The following MACROH2A2 variants were observed in gnomAD, a reference collection of about 807,000 sequenced individuals.
The protein encoded by MACROH2A2 is macroH2A.2 histone, also known as core histone macro-H2A.2.
MACROH2A2 carries 6 observed loss-of-function variants against 37.6 expected under a neutral mutation model. That is an observed-to-expected ratio of 0.16 (90% CI 0.09 to 0.32). MACROH2A2 has a LOEUF of 0.32. Ranked by LOEUF, MACROH2A2 falls within the 10% of genes least tolerant of loss-of-function variation. The pLI, the probability that MACROH2A2 is intolerant of heterozygous loss-of-function variation, is 1.00. For missense variants in MACROH2A2, 290 were observed against 485.9 expected (o/e 0.60, Z 3.79); for synonymous variants, 192 against 202.7 (o/e 0.95, Z 0.45).
intron 2 of MACROH2A2, among the ~76,000 whole-genome samples, chr10:70,078,721 C>T (rs2072155474): frequency 6.6e-6 from 1 of 152,142 alleles, no homozygotes; most frequent in African/African-American, 2.4e-5. Context: ...TGACTAATTC[C>T]ATTAAGGTGT....
At chr10:70,076,408 T>C (rs1265757751) in intron 2 of MACROH2A2, among the ~76,000 whole-genome samples, 2 of 150,978 alleles carry the variant, frequency 1.3e-5, no homozygotes, top group African/African-American at 4.8e-5. Context: ...TAGTTTCCCA[T>C]ATTTGTTGTT....
At chr10:70,104,277 T>G (rs1008707472) in intron 7 of MACROH2A2, among the ~76,000 whole-genome samples, 1 of 151,628 alleles carries the variant, frequency 6.6e-6, no homozygotes. Flanking sequence ...CTGGGGCACA[T>G]TAGTATAACA....
In MACROH2A2 at chr10:70,066,163, AC is replaced by A. The variant is rs1209818515; in HGVS notation, c.-59-9433del. ...AGACCAGCCTGGGCAACATAGTGAG[AC>A]CCCATCTCTACAAAAAAATCAGCTG... is the stretch of plus-strand genomic sequence containing the variant. On this transcript the variant is annotated intron_variant, in intron 1 of 8. Transcript: ENST00000373255. 2.6e-5 allele frequency among the ~76,000 whole-genome samples: 4 copies of A among 151,804 alleles called. No homozygotes were observed. The East Asian group carries it at 7.7e-4, about 29-fold the overall frequency.
At chr10:70,062,895 G>A (rs2072058007) in intron 1 of MACROH2A2, among the ~76,000 whole-genome samples, 1 of 152,160 alleles carries the variant, frequency 6.6e-6, no homozygotes. Flanking sequence ...TGGGAAGAGG[G>A]TGAGGGATAA....
intron 1 of MACROH2A2, among the ~76,000 whole-genome samples, chr10:70,059,663 G>T (rs750668114): frequency 1.3e-5 from 2 of 152,056 alleles, no homozygotes; most frequent in Non-Finnish European, 2.9e-5. Flanking sequence ...GAGCCACCGC[G>T]CCTGGCCTCC....
At chr10:70,095,157 G>A (rs562090273) in intron 5 of MACROH2A2, among the ~76,000 whole-genome samples, 7 of 152,124 alleles carry the variant, frequency 4.6e-5, no homozygotes, top group South Asian at 2.1e-4. Context: ...TCAAGAGGTC[G>A]GGAGATCAAG....
rs143709006 is a variant in MACROH2A2, at chr10:70,091,852, A to T, written c.375A>T (p.Glu125Asp). Residue 125 changes from glutamate to aspartate, a missense_variant, in exon 4 of 9, where the codon GAA (glutamate) becomes GAT (aspartate). Around this residue, in one of 3 missense-constraint regions of MACROH2A2, gnomAD observed 77 missense variants for 68.9 expected, o/e 1.12. Coordinates refer to ENST00000373255, the MANE Select transcript of MACROH2A2 (RefSeq NM_018649.3). ...AKKRGTKGKS[E>D]TILSPPPEKR... ...AGCGAGGGACCAAAGGCAAGTCGGAAACGATCCTCTCCCCACCCCCAGAGA... is the reference window on the plus strand; with the variant it reads ...AGCGAGGGACCAAAGGCAAGTCGGATACGATCCTCTCCCCACCCCCAGAGA... 12 of 1,614,044 alleles carry T rather than the reference A, an allele frequency of 7.4e-6. No individual in the cohort carries two copies. The highest frequency in any genetic ancestry group is 1.0e-5 in the Non-Finnish European group (12 of 1,179,986).
chr10:70,078,782 A>G (rs1311755353), intron 2 of MACROH2A2, among the ~76,000 whole-genome samples: 1 of 152,224 alleles, frequency 6.6e-6, no homozygotes, highest in East Asian at 1.9e-4. Flanking sequence ...GTTTTAATCC[A>G]AGGGAATGAA....
chr10:70,104,949 C>G (rs2072327820), intron 7 of MACROH2A2, among the ~76,000 whole-genome samples: 1 of 152,188 alleles, frequency 6.6e-6, no homozygotes, highest in Non-Finnish European at 1.5e-5. Flanking sequence ...AGACCAACTG[C>G]AGTGCAGGCC....
chr10:70,079,565 G>GCGCGCGCACGCACACACA (rs1386558755), intron 2 of MACROH2A2, among the ~76,000 whole-genome samples: 9 of 126,216 alleles, frequency 7.1e-5, no homozygotes, highest in Non-Finnish European at 1.1e-4. Context: ...GCGCGCGCGC[G>GCGCGCGCACGCACACACA]CACACACACA....
At chr10:70,087,816 G>T (rs12569828) in intron 2 of MACROH2A2, among the ~76,000 whole-genome samples, 4,572 of 152,302 alleles carry the variant, frequency 0.03, 283 homozygotes, top group East Asian at 0.22. Context: ...ATCTGGAAAA[G>T]ATGTGAGAAT....
intron 6 of MACROH2A2, chr10:70,098,277 AG>A (rs2072286407): frequency 7.5e-6 from 1 of 132,878 alleles, no homozygotes; most frequent in Admixed American, 8.9e-5. Flanking sequence ...AGAAAGAAAA[AG>A]AGAGAGAGAG....
intron 2 of MACROH2A2, among the ~76,000 whole-genome samples, chr10:70,078,680 G>A (rs2072155254): frequency 6.6e-6 from 1 of 152,208 alleles, no homozygotes; most frequent in Admixed American, 6.5e-5. Flanking sequence ...TCTATTAAGA[G>A]CTGACAAAAT....
intron 5 of MACROH2A2, among the ~76,000 whole-genome samples, chr10:70,094,487 GGAAA>G (rs1311399911): frequency 2.6e-5 from 4 of 152,188 alleles, no homozygotes; most frequent in Non-Finnish European, 4.4e-5. Flanking sequence ...AGACACCCAA[GGAAA>G]GAGTCAGTTA....
intron 1 of MACROH2A2, among the ~76,000 whole-genome samples, chr10:70,069,569 C>T (rs758743306): frequency 5.3e-5 from 8 of 152,086 alleles, no homozygotes; most frequent in Non-Finnish European, 1.0e-4. Context: ...CATGGTGTCT[C>T]TGAGGACACC....
chr10:70,087,873 T>C (rs1258051925), intron 2 of MACROH2A2, among the ~76,000 whole-genome samples: 6 of 152,240 alleles, frequency 3.9e-5, no homozygotes, highest in Admixed American at 2.0e-4. Context: ...TGCCTATGAA[T>C]ATTTAACTGT....
intron 6 of MACROH2A2, 88 bp downstream of exon 6, chr10:70,095,841 G>A (rs4426048): frequency 0.085 from 59,648 of 700,108 alleles, 3,319 homozygotes; most frequent in East Asian, 0.22. Flanking sequence ...TCAACTGGCT[G>A]TCCCTCCGCT....
intron 7 of MACROH2A2, among the ~76,000 whole-genome samples, chr10:70,103,977 G>A (rs955605569): frequency 2.0e-5 from 3 of 152,204 alleles, no homozygotes; most frequent in African/African-American, 4.8e-5. Flanking sequence ...ACAAAAGTCT[G>A]CACCAAGGAA....
In MACROH2A2 at chr10:70,070,456, T is replaced by C. The variant is rs61639162; in HGVS notation, c.-59-5144T>C. ...TACTTGTTCCTACTTTGATTTTCCTTACTTGGCTATTTTATCTTCATGAGT... is the reference window on the plus strand; with the variant it reads ...TACTTGTTCCTACTTTGATTTTCCTCACTTGGCTATTTTATCTTCATGAGT... On this transcript the variant is annotated intron_variant, in intron 1 of 8. Transcript: ENST00000373255. 2.9e-3 allele frequency among the ~76,000 whole-genome samples: 442 copies of C among 152,312 alleles called. 2 individuals carry two copies. Among genetic ancestry groups the C allele is most frequent in the African/African-American group, 0.01 (424 of 41,564 alleles).
Sources: allele counts gnomAD v4.1 joint callset (sites outside exome capture counted in the v4.1 genomes callset), GRCh38; gene constraint gnomAD v4.1.1; regional missense constraint gnomAD v4.1.1; transcripts MANE v1.5; gene names NCBI Gene and HGNC (gene_info 2026-07-23, HGNC 2026-07-21).